The following ERCC6L2 variants were observed in gnomAD, a reference collection of about 807,000 sequenced individuals.
ERCC6L2 encodes DNA excision repair protein ERCC-6-like 2.
In ERCC6L2, 77 loss-of-function variants were observed where a neutral mutation model predicts 132.0. The observed-to-expected ratio is 0.58, with a 90% CI of 0.49 to 0.71. ERCC6L2 has a LOEUF of 0.71. Among genes scored for constraint, ERCC6L2 ranks in the 30% least tolerant of loss-of-function variants. ERCC6L2 has a pLI of 0.00. For synonymous variants in ERCC6L2, 583 were observed against 632.4 expected, an observed-to-expected ratio of 0.92 and a Z score of 1.17; for missense variants, 1,542 against 1,837.6, an observed-to-expected ratio of 0.84 and a Z score of 2.94.
At chr9:95,911,901 C>T (rs1426016760) in intron 4 of ERCC6L2, among the ~76,000 whole-genome samples, 1 of 152,132 alleles carries the variant, frequency 6.6e-6, no homozygotes, top group Non-Finnish European at 1.5e-5. Flanking sequence ...GTCTTTACTT[C>T]CTTATTGCTA....
Position 96,012,389 on chromosome 9 carries a change from A to C in ERCC6L2, c.3839A>C (p.Gln1280Pro), listed in dbSNP as rs554013810. 3.2e-4 allele frequency: 432 copies of C among 1,361,538 alleles called. 4 individuals carry two copies. In the South Asian group the frequency reaches 4.7e-3, roughly 15 times the overall value. The allele number at this position is 1,361,538 out of a possible 1,614,324, so 84.3% of individuals were successfully genotyped here. ...VKEFFVDSVSQFNNSSFEKGE... is the reference protein window; with the variant it reads ...VKEFFVDSVSPFNNSSFEKGE... ...GAATTTTTTGTGGATTCTGTGTCAC[A>C]ATTCAACAATTCTTCCTTTGAGAAA... Residue 1280 changes from glutamine to proline, a missense_variant, in exon 19 of 19, where the codon CAA (glutamine) becomes CCA (proline). This residue lies in a region of ERCC6L2 where 442 missense variants were observed against 583.4 expected (regional missense o/e 0.76). Transcript: ENST00000653738.
intron 16 of ERCC6L2, among the ~76,000 whole-genome samples, chr9:95,974,502 C>G (rs1376686608): frequency 1.3e-5 from 2 of 152,108 alleles, no homozygotes; most frequent in Non-Finnish European, 2.9e-5. Context: ...TTTTGGCATG[C>G]TGCTAGTCAT....
chr9:95,895,688 A>G (rs1828416625), intron 2 of ERCC6L2, among the ~76,000 whole-genome samples: 1 of 149,564 alleles, frequency 6.7e-6, no homozygotes, highest in African/African-American at 2.5e-5. Context: ...TTATAACTAC[A>G]CTTGTGCTCC....
intron 13 of ERCC6L2, among the ~76,000 whole-genome samples, chr9:95,957,464 C>G (rs1009330822): frequency 6.7e-6 from 1 of 148,266 alleles, no homozygotes; most frequent in Non-Finnish European, 1.5e-5. Context: ...TTTTTCTAAC[C>G]TATTTAACCA....
At chr9:95,983,254 A>G (rs1165444492) in intron 17 of ERCC6L2, among the ~76,000 whole-genome samples, 2 of 152,198 alleles carry the variant, frequency 1.3e-5, no homozygotes, top group African/African-American at 2.4e-5. Context: ...AAAATGCTAT[A>G]GAGAAAAATG....
intron 2 of ERCC6L2, among the ~76,000 whole-genome samples, chr9:95,888,731 C>G (rs1267315164): frequency 6.6e-6 from 1 of 152,176 alleles, no homozygotes; most frequent in Non-Finnish European, 1.5e-5. Context: ...GAGCTTGTGA[C>G]TGGGTTCCGC....
chr9:95,901,533 T>A (rs1564206294), intron 3 of ERCC6L2, among the ~76,000 whole-genome samples: 1 of 152,178 alleles, frequency 6.6e-6, no homozygotes, highest in Admixed American at 6.5e-5. Context: ...TTTGTTGAGT[T>A]TTGTTTTGCT....
At chr9:96,010,526 C>A (rs1485479463) in intron 18 of ERCC6L2, among the ~76,000 whole-genome samples, 3 of 152,188 alleles carry the variant, frequency 2.0e-5, no homozygotes, top group Non-Finnish European at 4.4e-5. Flanking sequence ...CTCTTCCTTG[C>A]AGTTTCTCCT....
At position 95,875,984 on chromosome 9, in the gene ERCC6L2, TCCG is replaced by T. The variant is rs747907138; in HGVS notation, c.-49_-47del. The T allele has an allele frequency of 3.0e-5, 46 of 1,550,928 alleles. No individual in the cohort carries two copies. Among genetic ancestry groups the T allele is most frequent in the Non-Finnish European group, 3.8e-5 (44 of 1,147,512 alleles). Reference sequence around the variant, plus strand: ...CTGCCGGCCAGCCACCTTGCTGTCCTCCGCCGCCTTCCGGGTGTTACATGCAGC... The same window carrying T: ...CTGCCGGCCAGCCACCTTGCTGTCCTCCGCCTTCCGGGTGTTACATGCAGC... On this transcript the variant is annotated 5_prime_UTR_variant, in exon 1 of 19. Transcript: ENST00000653738.
intron 19 of ERCC6L2, among the ~76,000 whole-genome samples, chr9:96,030,563 G>A (rs549719234): frequency 6.6e-6 from 1 of 152,014 alleles, no homozygotes; most frequent in South Asian, 2.1e-4. Context: ...TTAGCCGGGC[G>A]TGGTGGCGGG....
chr9:95,948,791 GAAAAAAAA>G (rs55712485), intron 12 of ERCC6L2, among the ~76,000 whole-genome samples: 4 of 104,072 alleles, frequency 3.8e-5, no homozygotes, highest in African/African-American at 1.3e-4. Context: ...CAAGACATTA[GAAAAAAAA>G]AAAAAAAAAG....
intron 6 of ERCC6L2, 137 bp from the exon 7 acceptor site, chr9:95,921,038 G>GT: frequency 1.4e-6 from 1 of 734,856 alleles, no homozygotes; most frequent in Non-Finnish European, 2.1e-6. Flanking sequence ...GCTTCCCAAA[G>GT]TATTGGGATT....
Position 95,972,744 on chromosome 9 carries a change from C to T in ERCC6L2, c.2993C>T (p.Ala998Val). ...ISSKSRVRKR[A>V]SSLRFKRIKE... is the part of the protein sequence containing the mutation. ...TCCAAGTCAAGAGTAAGAAAGAGAG[C>T]TAGTTCATTGAGGTTTAAGAGAATA... The change falls in exon 16 of 19, where the codon GCT becomes GTT. Residue 998 changes from alanine (A) to valine (V), a missense_variant. Ala to Val is a moderately conservative substitution (Grantham distance 64). Around this residue, in one of 4 missense-constraint regions of ERCC6L2, gnomAD observed 945 missense variants for 1,105.2 expected, o/e 0.86. Coordinates refer to ENST00000653738, the MANE Select transcript of ERCC6L2 (RefSeq NM_020207.7). 1 of 1,303,160 alleles carries T rather than the reference C, an allele frequency of 7.7e-7. No homozygotes were observed. Among genetic ancestry groups the T allele is most frequent in the Non-Finnish European group, 1.0e-6 (1 of 988,740 alleles). The allele number at this position is 1,303,160 out of a possible 1,614,324, so 80.7% of individuals were successfully genotyped here.
At chr9:95,921,089 T>A in intron 6 of ERCC6L2, 86 bp from the exon 7 acceptor site, 3 of 1,322,030 alleles carry the variant, frequency 2.3e-6, no homozygotes, top group Non-Finnish European at 3.1e-6. Flanking sequence ...TTCACTGTTA[T>A]AATCTATGAA....
At chr9:96,036,760 A>ATT (rs199913565) in intron 19 of ERCC6L2, among the ~76,000 whole-genome samples, 12 of 102,554 alleles carry the variant, frequency 1.2e-4, no homozygotes, top group East Asian at 3.0e-4. Flanking sequence ...TATTATTATT[A>ATT]TTATTTTTAT....
At chr9:95,890,698 C>T (rs1201126620) in intron 2 of ERCC6L2, among the ~76,000 whole-genome samples, 5 of 152,088 alleles carry the variant, frequency 3.3e-5, no homozygotes, top group African/African-American at 4.8e-5. Flanking sequence ...GACAGTGTCT[C>T]GCTTTTTTGC....
chr9:95,995,591 T>C (rs1248204374), intron 17 of ERCC6L2, among the ~76,000 whole-genome samples: 1 of 152,208 alleles, frequency 6.6e-6, no homozygotes, highest in African/African-American at 2.4e-5. Flanking sequence ...ACTTTGTAGA[T>C]AATGCCTTTT....
At chr9:95,920,340 G>T (rs980977023) in intron 6 of ERCC6L2, among the ~76,000 whole-genome samples, 1 of 152,000 alleles carries the variant, frequency 6.6e-6, no homozygotes, top group Non-Finnish European at 1.5e-5. Flanking sequence ...TCCACTTAAT[G>T]AACAGTAAAG....
intron 13 of ERCC6L2, among the ~76,000 whole-genome samples, chr9:95,966,361 C>G (rs575349625): frequency 6.6e-6 from 1 of 152,260 alleles, no homozygotes; most frequent in African/African-American, 2.4e-5. Context: ...AATATAAGAT[C>G]TCTGTTTCAA....
Sources: gnomAD v4.1 joint callset for allele counts (sites outside exome capture counted in the v4.1 genomes callset) on GRCh38, gnomAD v4.1.1 for gene constraint, gnomAD v4.1.1 regional missense constraint, MANE v1.5 for transcripts, NCBI Gene and HGNC (gene_info 2026-07-23, HGNC 2026-07-21) for gene names.